MEIS1: variants seen among roughly 807,000 people sequenced by gnomAD.
The protein encoded by MEIS1 is homeobox protein Meis1.
A neutral mutation model predicts 50.8 loss-of-function variants in MEIS1; 5 were observed. The observed-to-expected ratio is 0.10, with a 90% confidence interval of 0.05 to 0.21. MEIS1 has a LOEUF of 0.21. MEIS1 is among the 10% of genes least tolerant of loss of function. The probability of loss-of-function intolerance (pLI) is 1.00; values close to 1 mark genes in which losing one functional copy is unlikely to be tolerated. For missense variants in MEIS1, 318 were observed against 517.3 expected, an observed-to-expected ratio of 0.61 and a Z score of 3.74; for synonymous variants, 176 against 179.3, an observed-to-expected ratio of 0.98 and a Z score of 0.15.
chr2:66,523,548 G>A (rs1674179224), intron 8 of MEIS1, among the ~76,000 whole-genome samples: 1 of 152,212 alleles, frequency 6.6e-6, no homozygotes. Context: ...TAACGCTGTA[G>A]TTGGAAGGTG....
At chr2:66,520,096 C>A (rs1159563890) in intron 8 of MEIS1, among the ~76,000 whole-genome samples, 1 of 151,882 alleles carries the variant, frequency 6.6e-6, no homozygotes, top group African/African-American at 2.4e-5. Flanking sequence ...TTTTTTCCAA[C>A]ATGAACACTC....
rs1307673027 is a variant in MEIS1, at chr2:66,548,008, A to G, written c.954A>G (p.Gln318=). Residue 318 remains glutamine, a synonymous_variant, in exon 9 of 13, where the codon CAA becomes CAG. Coordinates refer to ENST00000272369, the MANE Select transcript of MEIS1 (RefSeq NM_002398.3). ...AAGACACGGGACTCACCATCCTTCA[A>G]GTGAACAATTGGTAAGTAATTTGGC... The part of the protein sequence containing the change: ...LAQDTGLTIL[Q]VNNWFINARR... 2.5e-5 allele frequency: 41 copies of G among 1,612,788 alleles called. No homozygotes were observed. Among genetic ancestry groups the G allele is most frequent in the Non-Finnish European group, 3.5e-5 (41 of 1,179,214 alleles).
chr2:66,498,506 T>C (rs114990615), intron 7 of MEIS1, among the ~76,000 whole-genome samples: 6,064 of 152,150 alleles, frequency 0.04, 183 homozygotes, highest in South Asian at 0.1. Context: ...GTTGAGGAGA[T>C]AAAGGGGAGA....
chr2:66,522,718 A>G (rs1180001074), intron 8 of MEIS1, among the ~76,000 whole-genome samples: 1 of 152,222 alleles, frequency 6.6e-6, no homozygotes, highest in African/African-American at 2.4e-5. Flanking sequence ...GACTGTTGCC[A>G]TGCATATGTG....
intron 11 of MEIS1, 73 bp from the exon 12 acceptor site, chr2:66,568,977 A>T (rs1675420023): frequency 7.5e-7 from 1 of 1,327,022 alleles, no homozygotes; most frequent in Admixed American, 1.8e-5. Flanking sequence ...TTTTTTTTTT[A>T]AGGGTCTTTT....
intron 7 of MEIS1, chr2:66,496,185 C>A (rs1404499498): frequency 6.6e-6 from 1 of 152,082 alleles, no homozygotes; most frequent in Non-Finnish European, 1.5e-5. Context: ...TCTTTCTCAC[C>A]CAAGATAGAT....
chr2:66,439,872 T>C lies in MEIS1; in HGVS notation c.269T>C (p.Ile90Thr). The part of the protein sequence containing the change: ...GHPLFPLLAL[I>T]FEKCELATCT... The stretch of plus-strand genomic sequence containing the variant: ...CCCCTCTTCCCTCTCTTAGCACTGA[T>C]TTTTGAGAAATGTGAATTAGCTACT... The change falls in exon 3 of 13, where the codon ATT (isoleucine) becomes ACT (threonine). Residue 90 changes from isoleucine (I) to threonine (T), a missense_variant. Ile to Thr is a moderately conservative substitution (Grantham distance 89). Transcript: ENST00000272369. 6.2e-7 allele frequency: 1 copy of C among 1,613,672 alleles called. No homozygotes were observed. The highest frequency in any genetic ancestry group is 8.5e-7 in the Non-Finnish European group (1 of 1,179,826).
chr2:66,481,240 A>C (rs1028339794), intron 7 of MEIS1, among the ~76,000 whole-genome samples: 1 of 152,112 alleles, frequency 6.6e-6, no homozygotes, highest in African/African-American at 2.4e-5. Flanking sequence ...CAAGGGCATG[A>C]ATTGTTTGTG....
chr2:66,489,821 A>G lies in MEIS1; in HGVS notation c.743-22328A>G, dbSNP rs534704743. Among the ~76,000 whole-genome samples the G allele has an allele frequency of 1.4e-4, 22 of 152,358 alleles. No individual in the cohort carries two copies. In the South Asian group the frequency reaches 4.1e-3, roughly 29 times the overall value. ...AAATAATGAAGTAAAACAATTCTCA[A>G]ATGCAGGTAGATGAAATCTGCTAAA... On this transcript the variant is annotated intron_variant, in intron 7 of 12. Coordinates refer to ENST00000272369, the MANE Select transcript of MEIS1 (RefSeq NM_002398.3).
At chr2:66,559,169 A>G (rs1289177111) in intron 9 of MEIS1, among the ~76,000 whole-genome samples, 2 of 151,770 alleles carry the variant, frequency 1.3e-5, no homozygotes, top group Non-Finnish European at 2.9e-5. Flanking sequence ...CTCAAAGACA[A>G]ACAAACAAGT....
intron 7 of MEIS1, chr2:66,509,103 G>A (rs1464191916): frequency 2.1e-6 from 1 of 469,982 alleles, no homozygotes; most frequent in South Asian, 1.6e-5. Context: ...TCAAATTGCG[G>A]AGTGAATGGA....
At chr2:66,562,063 T>TTTTTTTTTTTA (rs1675229164) in intron 9 of MEIS1, 1 of 138,078 alleles carries the variant, frequency 7.2e-6, no homozygotes, top group Non-Finnish European at 1.5e-5. Context: ...TTTTTTTTTT[T>TTTTTTTTTTTA]TTTTTTTACT....
intron 8 of MEIS1, among the ~76,000 whole-genome samples, chr2:66,526,796 C>A (rs1051706686): frequency 1.3e-5 from 2 of 152,176 alleles, no homozygotes; most frequent in East Asian, 3.8e-4. Context: ...TAGCTACCCC[C>A]TCTTAATAAG....
In MEIS1 at chr2:66,437,058, G is replaced by A. The variant is rs543723596; in HGVS notation, c.13-679G>A. On this transcript the variant is annotated intron_variant, in intron 1 of 12. Coordinates refer to ENST00000272369, the MANE Select transcript of MEIS1 (RefSeq NM_002398.3). ...AGATTTTCTTTAACTTTGGGGGTGGGGAATTGCCCAATTCTAAATTCAGCT... is the reference window on the plus strand; with the variant it reads ...AGATTTTCTTTAACTTTGGGGGTGGAGAATTGCCCAATTCTAAATTCAGCT... 6 of 653,466 alleles carry A rather than the reference G, an allele frequency of 9.2e-6. No individual in the cohort carries two copies. In the South Asian group the frequency reaches 3.5e-4, roughly 38 times the overall value. 40.5% of individuals were successfully genotyped at this position (653,466 alleles called of 1,614,324 possible). A position where few individuals can be genotyped will look rare whatever the true frequency, so the allele number is the denominator to read the frequency against.
intron 8 of MEIS1, among the ~76,000 whole-genome samples, chr2:66,547,479 C>T (rs576864483): frequency 6.6e-6 from 1 of 152,088 alleles, no homozygotes; most frequent in East Asian, 1.9e-4. Flanking sequence ...TTGATATTTG[C>T]ATCTGGCAAT....
At chr2:66,463,316 A>C (rs1672562803) in intron 6 of MEIS1, among the ~76,000 whole-genome samples, 1 of 152,062 alleles carries the variant, frequency 6.6e-6, no homozygotes, top group Admixed American at 6.6e-5. Context: ...GTGACTCATG[A>C]GGCTGTTTTT....
chr2:66,448,962 G>A (rs1226184290), intron 6 of MEIS1, among the ~76,000 whole-genome samples: 2 of 151,870 alleles, frequency 1.3e-5, no homozygotes, highest in East Asian at 1.9e-4. Context: ...GCCTTTTGTG[G>A]ATTATGATAT....
chr2:66,503,667 A>G (rs1159618652), intron 7 of MEIS1, among the ~76,000 whole-genome samples: 1 of 85,556 alleles, frequency 1.2e-5, no homozygotes, highest in Non-Finnish European at 2.1e-5. Context: ...TGGGACATCA[A>G]TAGGTTGTTA....
intron 8 of MEIS1, among the ~76,000 whole-genome samples, chr2:66,524,214 T>C (rs1226585868): frequency 6.6e-6 from 1 of 152,172 alleles, no homozygotes; most frequent in Non-Finnish European, 1.5e-5. Flanking sequence ...TCCTTGCTCA[T>C]GACAAAGCAG....
Sources: gnomAD v4.1 joint callset for allele counts (sites outside exome capture counted in the v4.1 genomes callset) on GRCh38, gnomAD v4.1.1 for gene constraint, MANE v1.5 for transcripts, NCBI Gene and HGNC (gene_info 2026-07-23, HGNC 2026-07-21) for gene names.